Variants in BMP7 observed in about 807,000 individuals in gnomAD.
The protein encoded by BMP7 is osteogenic protein 1.
BMP7 carries 12 observed loss-of-function variants against 41.2 expected under a neutral mutation model. The ratio of observed to expected loss-of-function variants is 0.29; its 90% CI spans 0.19 to 0.47. BMP7 has a LOEUF of 0.47. BMP7 is among the 20% of genes least tolerant of loss of function. The probability of loss-of-function intolerance (pLI) is 0.99; values close to 1 mark genes in which losing one functional copy is unlikely to be tolerated. For missense variants in BMP7, 467 were observed against 606.0 expected, an observed-to-expected ratio of 0.77 and a Z score of 2.41; for synonymous variants, 248 against 250.0, an observed-to-expected ratio of 0.99 and a Z score of 0.07.
chr20:57,231,580 G>A (rs1421813881), intron 1 of BMP7, among the ~76,000 whole-genome samples: 1 of 152,160 alleles, frequency 6.6e-6, no homozygotes, highest in Non-Finnish European at 1.5e-5. Context: ...GACCAGGAGC[G>A]GTGAAGCACA....
chr20:57,211,355 T>C (rs1984879552), intron 2 of BMP7, among the ~76,000 whole-genome samples: 1 of 152,032 alleles, frequency 6.6e-6, no homozygotes, highest in African/African-American at 2.4e-5. Flanking sequence ...CAGAAAGCCA[T>C]CTCCAGGAGC....
rs886194881 is a variant in BMP7 at position 57,168,996 on chromosome 20, C to T, written c.*1963G>A. On this transcript the variant is annotated 3_prime_UTR_variant, in exon 7 of 7. Transcript: ENST00000395863. Reference sequence around the variant, plus strand: ...TGGATGGAAATAAATAATCTCTTTGCTTTGTAACAACTATTTACAGGTTTA... The same window carrying T: ...TGGATGGAAATAAATAATCTCTTTGTTTTGTAACAACTATTTACAGGTTTA... 1.3e-5 allele frequency: 2 copies of T among 152,026 alleles called. No homozygotes were observed. The highest frequency in any genetic ancestry group is 4.8e-5 in the African/African-American group (2 of 41,348). 9.4% of individuals were successfully genotyped at this position (152,026 alleles called of 1,614,324 possible).
intron 2 of BMP7, among the ~76,000 whole-genome samples, chr20:57,226,723 C>T (rs1249342567): frequency 3.3e-5 from 5 of 152,162 alleles, no homozygotes; most frequent in Non-Finnish European, 1.5e-5. Flanking sequence ...AAACTGGCAT[C>T]AGGGACCACC....
At chr20:57,219,753 C>T (rs1042425442) in intron 2 of BMP7, among the ~76,000 whole-genome samples, 7 of 152,188 alleles carry the variant, frequency 4.6e-5, no homozygotes, top group East Asian at 1.9e-4. Context: ...AGTCACCCTT[C>T]GGGGTGCTCT....
chr20:57,183,371 C>G (rs1368800152), intron 4 of BMP7, among the ~76,000 whole-genome samples: 3 of 99,490 alleles, frequency 3.0e-5, no homozygotes, highest in African/African-American at 4.1e-5. Flanking sequence ...TCTTCCTCCC[C>G]CTCCTTCCAT....
chr20:57,205,710 A>AGAGACACAT (rs1984714219), intron 2 of BMP7, among the ~76,000 whole-genome samples: 1 of 152,182 alleles, frequency 6.6e-6, no homozygotes, highest in Admixed American at 6.6e-5. Context: ...ATGGTAACCA[A>AGAGACACAT]AGGAACAGAG....
intron 3 of BMP7, among the ~76,000 whole-genome samples, chr20:57,194,639 C>T (rs1344952286): frequency 2.6e-5 from 4 of 152,174 alleles, no homozygotes; most frequent in Admixed American, 6.5e-5. Flanking sequence ...TTGATTCCAT[C>T]GTTGCTTCTC....
chr20:57,209,499 T>G (rs1238356430), intron 2 of BMP7, among the ~76,000 whole-genome samples: 1 of 151,586 alleles, frequency 6.6e-6, no homozygotes, highest in Non-Finnish European at 1.5e-5. Context: ...GCTAGACAGG[T>G]AGGGAAAATG....
chr20:57,203,476 G>T (rs2123091059), intron 2 of BMP7, among the ~76,000 whole-genome samples: 1 of 151,906 alleles, frequency 6.6e-6, no homozygotes, highest in East Asian at 1.9e-4. Context: ...TGAGTGGGTG[G>T]GTGGATGGAT....
intron 3 of BMP7, among the ~76,000 whole-genome samples, chr20:57,184,198 C>T (rs568446417): frequency 2.7e-4 from 41 of 152,212 alleles, no homozygotes; most frequent in Non-Finnish European, 4.9e-4. Flanking sequence ...CTGAGGGGTG[C>T]GGAAGGTGGC....
At chr20:57,203,207 C>A (rs1418114529) in intron 2 of BMP7, among the ~76,000 whole-genome samples, 2 of 152,094 alleles carry the variant, frequency 1.3e-5, no homozygotes, top group Non-Finnish European at 2.9e-5. Context: ...GGACGTGCAC[C>A]ATCTTTATGA....
At chr20:57,244,835 C>T (rs567412511) in intron 1 of BMP7, among the ~76,000 whole-genome samples, 7 of 152,308 alleles carry the variant, frequency 4.6e-5, no homozygotes, top group South Asian at 2.1e-4. Context: ...ACCTTCCCCC[C>T]AGAGCAGCCA....
rs767309601 is a variant in BMP7, at chr20:57,173,116, C to A, written c.1146+84G>T. Reference sequence around the variant, plus strand: ...GGCAATGGGCTGACATCTACTCAGGCCCCAGCTTGGAGGCAGCAGGATCTG... The same window carrying A: ...GGCAATGGGCTGACATCTACTCAGGACCCAGCTTGGAGGCAGCAGGATCTG... On this transcript the variant is annotated intron_variant, in intron 6 of 6. Transcript: ENST00000395863. The A allele has an allele frequency of 2.9e-6, 4 of 1,399,114 alleles. No individual in the cohort carries two copies. The South Asian group carries it at 4.7e-5, about 17-fold the overall frequency. 86.7% of individuals were successfully genotyped at this position (1,399,114 alleles called of 1,614,324 possible). A position where few individuals can be genotyped will look rare whatever the true frequency, so the allele number is the denominator to read the frequency against.
intron 4 of BMP7, among the ~76,000 whole-genome samples, chr20:57,176,998 T>C (rs1983942123): frequency 6.6e-6 from 1 of 152,144 alleles, no homozygotes; most frequent in Non-Finnish European, 1.5e-5. Context: ...TCTTCATCTG[T>C]AAAATGGGTG....
At chr20:57,177,364 T>TG (rs1983953962) in intron 4 of BMP7, among the ~76,000 whole-genome samples, 1 of 151,788 alleles carries the variant, frequency 6.6e-6, no homozygotes, top group Non-Finnish European at 1.5e-5. Context: ...AATTTTTTTT[T>TG]TGAGACAGAG....
chr20:57,260,095 G>C (rs2066148032), intron 1 of BMP7, among the ~76,000 whole-genome samples: 1 of 152,122 alleles, frequency 6.6e-6, no homozygotes, highest in Non-Finnish European at 1.5e-5. Context: ...GGAAAGAAAA[G>C]CATGTGAAGC....
intron 1 of BMP7, among the ~76,000 whole-genome samples, chr20:57,238,214 T>C (rs918646432): frequency 6.6e-6 from 1 of 152,234 alleles, no homozygotes; most frequent in African/African-American, 2.4e-5. Context: ...TCACACAGTA[T>C]TTGTCCTTTT....
intron 4 of BMP7, among the ~76,000 whole-genome samples, chr20:57,179,569 G>C (rs1285326994): frequency 6.6e-6 from 1 of 152,212 alleles, no homozygotes; most frequent in Non-Finnish European, 1.5e-5. Flanking sequence ...GCTCCGCGTG[G>C]GGTAGCGTGC....
At chr20:57,217,730 T>C (rs1985066556) in intron 2 of BMP7, among the ~76,000 whole-genome samples, 1 of 152,122 alleles carries the variant, frequency 6.6e-6, no homozygotes, top group South Asian at 2.1e-4. Context: ...GTAGGTGGCG[T>C]CCTGGACAGG....
Sources: allele counts gnomAD v4.1 joint callset (sites outside exome capture counted in the v4.1 genomes callset), GRCh38; gene constraint gnomAD v4.1.1; transcripts MANE v1.5; gene names NCBI Gene and HGNC (gene_info 2026-07-23, HGNC 2026-07-21).